The following SYNE1 variants were observed in gnomAD, a reference collection of about 807,000 sequenced individuals.
The protein encoded by SYNE1 is nesprin-1.
Under a neutral mutation model 1,111.0 loss-of-function variants are expected in SYNE1, and 616 were observed. The observed-to-expected ratio is 0.55, with a 90% CI of 0.52 to 0.59. The LOEUF is 0.59. Ranked by LOEUF, SYNE1 falls within the 20% of genes least tolerant of loss-of-function variation. The pLI is 0.00. For synonymous variants in SYNE1, 3,855 were observed against 3,825.8 expected, an observed-to-expected ratio of 1.01 and a Z score of -0.28; for missense variants, 10,006 against 10,417.0, an observed-to-expected ratio of 0.96 and a Z score of 1.72.
At chr6:152,381,488 A>G in intron 55 of SYNE1, 126 bp from the exon 56 acceptor site, 1 of 918,730 alleles carries the variant, frequency 1.1e-6, no homozygotes, top group Non-Finnish European at 1.8e-6. Context: ...ACAAGGACCC[A>G]GAATCAATTC....
intron 55 of SYNE1, 80 bp from the exon 56 acceptor site, chr6:152,381,442 G>C: frequency 8.5e-6 from 12 of 1,415,642 alleles, no homozygotes; most frequent in African/African-American, 2.8e-5. Flanking sequence ...TACACAGGGG[G>C]ACCCTGTCCT....
chr6:152,512,085 AT>A (rs139854030), intron 6 of SYNE1, among the ~76,000 whole-genome samples: 26,016 of 151,952 alleles, frequency 0.17, 2,599 homozygotes, highest in East Asian at 0.46. Context: ...ATGTTTGTAC[AT>A]TTTTTTTATT....
At chr6:152,333,284 A>C (rs1238701056) in intron 77 of SYNE1, among the ~76,000 whole-genome samples, 1 of 152,206 alleles carries the variant, frequency 6.6e-6, no homozygotes, top group Admixed American at 6.5e-5. Context: ...CTGAATTTCT[A>C]GACTCTTGTA....
At chr6:152,612,740 A>C (rs1213723842) in intron 3 of SYNE1, among the ~76,000 whole-genome samples, 1 of 152,206 alleles carries the variant, frequency 6.6e-6, no homozygotes, top group Non-Finnish European at 1.5e-5. Context: ...TCGATGTGAA[A>C]ATCCTCAGTA....
At chr6:152,451,357 A>G (rs2098647670) in intron 25 of SYNE1, 152 bp from the exon 26 acceptor site, 3 of 734,408 alleles carry the variant, frequency 4.1e-6, no homozygotes, top group Non-Finnish European at 6.7e-6. Context: ...TGGTCTCTCT[A>G]CTTTGTATTT....
chr6:152,165,338 G>A lies in SYNE1; in HGVS notation c.23628-1013C>T, dbSNP rs764477275. On this transcript the variant is annotated intron_variant, in intron 130 of 145. Transcript: ENST00000367255. ...TCTGTTCCAGTTTCAATAAATCAAT[G>A]TGTCTCTCTCAAGTGAAAATGTAGT... Among the ~76,000 whole-genome samples the A allele has an allele frequency of 2.6e-5, 4 of 152,124 alleles. No homozygotes were observed. In the East Asian group the frequency reaches 7.7e-4, roughly 29 times the overall value.
In SYNE1 at chr6:152,186,360, C is replaced by T. The variant is rs560281094; in HGVS notation, c.23301+2892G>A. 2.6e-4 allele frequency among the ~76,000 whole-genome samples: 39 copies of T among 151,774 alleles called. 1 individual carries two copies. The South Asian group carries it at 7.3e-3, about 28-fold the overall frequency. Reference sequence around the variant, plus strand: ...TCACCTGGGGTCGGGAGTTGGAGACCAGCCTGACCAACATGGAGAAACCCT... The same window carrying T: ...TCACCTGGGGTCGGGAGTTGGAGACTAGCCTGACCAACATGGAGAAACCCT... On this transcript the variant is annotated intron_variant, in intron 128 of 145. Transcript: ENST00000367255.
intron 87 of SYNE1, among the ~76,000 whole-genome samples, chr6:152,313,526 G>A (rs994680033): frequency 7.4e-5 from 11 of 149,060 alleles, no homozygotes; most frequent in East Asian, 5.9e-4. Context: ...GCAATGGCGC[G>A]ATCTAAGCTC....
intron 10 of SYNE1, among the ~76,000 whole-genome samples, chr6:152,499,710 T>C (rs1454504499): frequency 1.3e-5 from 2 of 152,174 alleles, no homozygotes; most frequent in Non-Finnish European, 2.9e-5. Context: ...ATATTCAGTT[T>C]TAGATGTTTA....
chr6:152,603,880 C>A (rs373730224), intron 3 of SYNE1, among the ~76,000 whole-genome samples: 31 of 121,254 alleles, frequency 2.6e-4, no homozygotes, highest in East Asian at 4.8e-4. Context: ...TACTATCTAT[C>A]TATACATGCA....
At chr6:152,284,699 G>A (rs1448682739) in intron 95 of SYNE1, among the ~76,000 whole-genome samples, 1 of 149,704 alleles carries the variant, frequency 6.7e-6, no homozygotes, top group African/African-American at 2.5e-5. Context: ...CCTGGCCTCA[G>A]GGAATCCTCC....
intron 135 of SYNE1, among the ~76,000 whole-genome samples, chr6:152,149,970 C>T (rs925031863): frequency 3.3e-5 from 5 of 152,176 alleles, no homozygotes; most frequent in Admixed American, 6.5e-5. Flanking sequence ...TATTCAAACC[C>T]ACCGTAAGTT....
rs1220473900 is a variant in SYNE1 at position 152,407,172 on chromosome 6, T to C, written c.6565A>G (p.Met2189Val). 2.5e-6 allele frequency: 4 copies of C among 1,613,976 alleles called. No individual in the cohort carries two copies. The highest frequency in any genetic ancestry group is 1.1e-5 in the South Asian group (1 of 91,084). ...LDVSEKLEEN[M>V]DRLRVSLSIW... ...GACAGGCTTACTCTCAGCCTATCCA[T>C]GTTTTCTTCAAGTTTCTCTGATACC... The change falls in exon 45 of 146, where the codon ATG becomes GTG. Residue 2189 changes from methionine to valine, a missense_variant. Met to Val is a conservative substitution (Grantham distance 21, BLOSUM62 1). Coordinates refer to ENST00000367255, the MANE Select transcript of SYNE1 (RefSeq NM_182961.4).
At chr6:152,628,684 A>C in intron 2 of SYNE1, 130 bp from the exon 3 acceptor site, 1 of 247,514 alleles carries the variant, frequency 4.0e-6, no homozygotes, top group Non-Finnish European at 8.0e-6. Flanking sequence ...ACTTAGTGAA[A>C]AGCACTTATA....
chr6:152,369,344 G>C, intron 60 of SYNE1, 127 bp downstream of exon 60: 3 of 1,469,688 alleles, frequency 2.0e-6, no homozygotes, highest in Non-Finnish European at 2.8e-6. Flanking sequence ...ACCAGAAATG[G>C]GGAAAAACAC....
intron 97 of SYNE1, among the ~76,000 whole-genome samples, 173 bp from the exon 98 acceptor site, chr6:152,278,453 T>A (rs970237771): frequency 2.4e-4 from 37 of 152,022 alleles, no homozygotes; most frequent in African/African-American, 6.3e-4. Flanking sequence ...GCTTTTTTTT[T>A]ATATTTTTTA....
At chr6:152,414,402 C>G (rs908155798) in intron 41 of SYNE1, among the ~76,000 whole-genome samples, 13 of 151,846 alleles carry the variant, frequency 8.6e-5, no homozygotes, top group African/African-American at 3.1e-4. Flanking sequence ...GAGCACAACC[C>G]TGTCTCAAAG....
rs187704401 is a variant in SYNE1, at chr6:152,395,747, A to C, written c.7557-76T>G. The C allele has an allele frequency of 2.0e-5, 30 of 1,523,384 alleles. No homozygotes were observed. The African/African-American group carries it at 3.4e-4, about 17-fold the overall frequency. 94.4% of individuals were successfully genotyped at this position (1,523,384 alleles called of 1,614,324 possible). On this transcript the variant is annotated intron_variant, in intron 50 of 145. Coordinates refer to ENST00000367255, the MANE Select transcript of SYNE1 (RefSeq NM_182961.4). ...AATTACTTTTAATAGCTGAGGTCAC[A>C]ATGTCTTTTAAATGGCAATTAAGAC...
At chr6:152,603,047 G>T (rs762579915) in intron 3 of SYNE1, among the ~76,000 whole-genome samples, 3 of 152,170 alleles carry the variant, frequency 2.0e-5, no homozygotes, top group Non-Finnish European at 4.4e-5. Flanking sequence ...GTCAACCAGG[G>T]CAGAGGATCT....
Sources: gnomAD v4.1 joint callset for allele counts (sites outside exome capture counted in the v4.1 genomes callset) on GRCh38, gnomAD v4.1.1 for gene constraint, MANE v1.5 for transcripts, NCBI Gene and HGNC (gene_info 2026-07-23, HGNC 2026-07-21) for gene names.